Variants in DLG1 observed in about 807,000 individuals in gnomAD.
DLG1 encodes the protein disks large homolog 1.
Under a neutral mutation model 123.4 loss-of-function variants are expected in DLG1, and 42 were observed. That is an observed-to-expected ratio of 0.34 (90% CI 0.27 to 0.44). DLG1 has a LOEUF of 0.44. Ranked by LOEUF, DLG1 falls within the 20% of genes least tolerant of loss-of-function variation. DLG1 has a pLI of 1.00. For synonymous variants in DLG1, 317 were observed against 356.2 expected (o/e 0.89, Z 1.24); for missense variants, 942 against 1,082.6 (o/e 0.87, Z 1.82).
intron 4 of DLG1, among the ~76,000 whole-genome samples, chr3:197,201,109 C>A (rs374287131): frequency 1.3e-5 from 2 of 152,312 alleles, no homozygotes; most frequent in Middle Eastern, 3.4e-3. Flanking sequence ...ACCGGCCGGG[C>A]GCAGTGGCTC....
chr3:197,230,618 CTTTT>C (rs1451936363), intron 4 of DLG1, among the ~76,000 whole-genome samples: 2 of 152,282 alleles, frequency 1.3e-5, no homozygotes, highest in South Asian at 2.1e-4. Flanking sequence ...TTGTGCTTTT[CTTTT>C]TTAATTCCTA....
chr3:197,091,114 T>C (rs1429158279), intron 14 of DLG1, 88 bp from the exon 15 acceptor site: 1 of 848,852 alleles, frequency 1.2e-6, no homozygotes, highest in Non-Finnish European at 1.9e-6. Context: ...AACTGTCCTA[T>C]AATTGATTAA....
intron 4 of DLG1, among the ~76,000 whole-genome samples, chr3:197,256,625 CA>C (rs1756998560): frequency 6.6e-6 from 1 of 152,164 alleles, no homozygotes; most frequent in South Asian, 2.1e-4. Context: ...ACATGTAAAA[CA>C]TAAGTTTCAG....
intron 4 of DLG1, among the ~76,000 whole-genome samples, chr3:197,229,507 T>G (rs1318848071): frequency 6.7e-6 from 1 of 150,024 alleles, no homozygotes; most frequent in Admixed American, 6.7e-5. Flanking sequence ...TATGTTAACC[T>G]GTAGCTTTTT....
intron 23 of DLG1, among the ~76,000 whole-genome samples, chr3:197,054,885 T>C (rs898962576): frequency 3.9e-5 from 6 of 151,930 alleles, no homozygotes; most frequent in Admixed American, 1.3e-4. Context: ...GTATGGTCTC[T>C]ACTCACTGCA....
chr3:197,075,965 A>C, intron 18 of DLG1: 1 of 1,066,446 alleles, frequency 9.4e-7, no homozygotes, highest in Non-Finnish European at 1.4e-6. Flanking sequence ...AGTAAGAGAC[A>C]GTTCCAAGAC....
At chr3:197,063,191 TA>T (rs34170630) in intron 22 of DLG1, among the ~76,000 whole-genome samples, 387 of 144,410 alleles carry the variant, frequency 2.7e-3, no homozygotes, top group East Asian at 7.1e-3. Flanking sequence ...ACTTAAAGTA[TA>T]AAAAAAAAAA....
At chr3:197,227,986 A>G (rs1740861173) in intron 4 of DLG1, among the ~76,000 whole-genome samples, 1 of 152,234 alleles carries the variant, frequency 6.6e-6, no homozygotes, top group Admixed American at 6.5e-5. Context: ...TCAGAGCCAT[A>G]GTTGTTAAGC....
chr3:197,061,753 A>G (rs778347011), intron 22 of DLG1, among the ~76,000 whole-genome samples: 2 of 152,156 alleles, frequency 1.3e-5, no homozygotes, highest in Non-Finnish European at 2.9e-5. Context: ...TTCTTAGTCC[A>G]TCATATCTGG....
chr3:197,174,564 C>T (rs1414431648), intron 5 of DLG1, among the ~76,000 whole-genome samples: 2 of 152,160 alleles, frequency 1.3e-5, no homozygotes, highest in Non-Finnish European at 2.9e-5. Flanking sequence ...CAAAATCCTG[C>T]TATGGTACTT....
chr3:197,296,508 C>T (rs779121998), intron 2 of DLG1, 31 bp from the exon 3 acceptor site: 9 of 1,606,234 alleles, frequency 5.6e-6, no homozygotes, highest in Non-Finnish European at 6.8e-6. Context: ...CTGATTAAAA[C>T]TCTCTATTTA....
At chr3:197,110,318 C>G (rs1769152189) in intron 13 of DLG1, among the ~76,000 whole-genome samples, 1 of 152,146 alleles carries the variant, frequency 6.6e-6, no homozygotes, top group South Asian at 2.1e-4. Context: ...ACTGTACTTT[C>G]CAACTCCAGA....
chr3:197,286,464 T>C (rs1771900721), intron 3 of DLG1, among the ~76,000 whole-genome samples: 1 of 152,210 alleles, frequency 6.6e-6, no homozygotes. Context: ...ACAGGGTTCA[T>C]GCTCCTGTGA....
chr3:197,223,008 T>C lies in DLG1; in HGVS notation c.319-28419A>G, dbSNP rs533546962. Among the ~76,000 whole-genome samples the C allele has an allele frequency of 2.3e-4, 35 of 152,366 alleles. No homozygotes were observed. The South Asian group carries it at 7.1e-3, about 31-fold the overall frequency. On this transcript the variant is annotated intron_variant, in intron 4 of 24. Transcript: ENST00000667157. ...TAGGGACCTTAGGCTCCGGCCTCAC[T>C]GTGCCTACTATTTTGAAATAGCTAA...
intron 14 of DLG1, among the ~76,000 whole-genome samples, chr3:197,098,401 T>A (rs1007900039): frequency 3.8e-4 from 58 of 152,354 alleles, no homozygotes; most frequent in Middle Eastern, 6.8e-3. Flanking sequence ...AGTAACTAAG[T>A]TACTACAAAG....
chr3:197,150,810 C>G (rs1212773450), intron 5 of DLG1, among the ~76,000 whole-genome samples: 1 of 151,904 alleles, frequency 6.6e-6, no homozygotes, highest in East Asian at 1.9e-4. Flanking sequence ...AGTACCACAG[C>G]TAAATGATAT....
chr3:197,197,599 T>C lies in DLG1; in HGVS notation c.319-3010A>G, dbSNP rs1723187642. ...TCTATACAGCATTCAATGCAATCTC[T>C]ATCAAAATTCCATCAGGCACTTTTC... is the stretch of plus-strand genomic sequence containing the variant. On this transcript the variant is annotated intron_variant, in intron 4 of 24. Coordinates refer to ENST00000667157, the MANE Select transcript of DLG1 (RefSeq NM_001366207.1). Among the ~76,000 whole-genome samples, 4 of 152,214 alleles carry C rather than the reference T, an allele frequency of 2.6e-5. No individual in the cohort carries two copies. The South Asian group carries it at 8.3e-4, about 31-fold the overall frequency.
At chr3:197,053,778 A>AAAG (rs1429424631) in intron 23 of DLG1, among the ~76,000 whole-genome samples, 1 of 149,772 alleles carries the variant, frequency 6.7e-6, no homozygotes, top group East Asian at 2.0e-4. Flanking sequence ...GTCTCATAAA[A>AAAG]AAAAAAAAAA....
chr3:197,049,483 G>C (rs371110101), intron 24 of DLG1, among the ~76,000 whole-genome samples: 2 of 152,240 alleles, frequency 1.3e-5, no homozygotes, highest in African/African-American at 2.4e-5. Flanking sequence ...AGCCGGGCCC[G>C]ATGGCTCACG....
Sources: gnomAD v4.1 joint callset for allele counts (sites outside exome capture counted in the v4.1 genomes callset) on GRCh38, gnomAD v4.1.1 for gene constraint, MANE v1.5 for transcripts, NCBI Gene and HGNC (gene_info 2026-07-23, HGNC 2026-07-21) for gene names.